The following KCNH1 variants were observed in gnomAD, a reference collection of about 807,000 sequenced individuals.
KCNH1 encodes the protein potassium voltage-gated channel subfamily H member 1.
In KCNH1, 27 loss-of-function variants were observed where a neutral mutation model predicts 69.2. That is an observed-to-expected ratio of 0.39 (90% confidence interval 0.29 to 0.54). KCNH1 has a LOEUF of 0.54. KCNH1 is among the 20% of genes least tolerant of loss of function. The pLI is 0.68. For synonymous variants in KCNH1, 456 were observed against 487.7 expected (o/e 0.93, Z 0.86); for missense variants, 798 against 1,261.6 (o/e 0.63, Z 5.57).
chr1:210,877,226 A>T lies in KCNH1; in HGVS notation c.1462+42414T>A, dbSNP rs139415226. Among the ~76,000 whole-genome samples the T allele has an allele frequency of 1.1e-3, 168 of 152,258 alleles. 1 individual carries two copies. Among genetic ancestry groups the T allele is most frequent in the South Asian group, 2.9e-3 (14 of 4,818 alleles). On this transcript the variant is annotated intron_variant, in intron 7 of 10. Transcript: ENST00000271751. Reference sequence around the variant, plus strand: ...TGTAGTTGATGTGGTCATTCATATGAGCAAGAAGAGAGAGAGAGGAATAGA... The same window carrying T: ...TGTAGTTGATGTGGTCATTCATATGTGCAAGAAGAGAGAGAGAGGAATAGA...
intron 7 of KCNH1, chr1:210,860,298 C>A: frequency 7.4e-7 from 1 of 1,360,438 alleles, no homozygotes. Context: ...GTTGACATGT[C>A]AGGCTATGCG....
intron 7 of KCNH1, among the ~76,000 whole-genome samples, chr1:210,834,465 A>AT (rs1229900477): frequency 2.2e-5 from 3 of 135,748 alleles, no homozygotes; most frequent in African/African-American, 8.4e-5. Flanking sequence ...ATTCTCACTC[A>AT]TAGGTGGGAA....
At chr1:210,958,461 G>T (rs1415698051) in intron 6 of KCNH1, among the ~76,000 whole-genome samples, 1 of 152,286 alleles carries the variant, frequency 6.6e-6, no homozygotes, top group Middle Eastern at 3.4e-3. Context: ...GGCCTGCCTT[G>T]CCTGGTTGGG....
intron 7 of KCNH1, among the ~76,000 whole-genome samples, chr1:210,872,830 A>G (rs949262829): frequency 5.9e-5 from 9 of 152,218 alleles, no homozygotes; most frequent in African/African-American, 2.2e-4. Context: ...AGTGGGGATT[A>G]TCATTAAACA....
chr1:211,003,048 T>TGTTG (rs1364532518), intron 6 of KCNH1, among the ~76,000 whole-genome samples: 1 of 152,046 alleles, frequency 6.6e-6, no homozygotes, highest in African/African-American at 2.4e-5. Context: ...TTTGTTTGTT[T>TGTTG]GTTTGTTTGT....
At chr1:210,893,789 C>A (rs191009393) in intron 7 of KCNH1, among the ~76,000 whole-genome samples, 276 of 151,992 alleles carry the variant, frequency 1.8e-3, no homozygotes, top group African/African-American at 6.2e-3. Context: ...TTCTTAAATT[C>A]TTTTCTCTCT....
At chr1:210,983,814 C>T (rs935559879) in intron 6 of KCNH1, among the ~76,000 whole-genome samples, 4 of 152,138 alleles carry the variant, frequency 2.6e-5, no homozygotes, top group African/African-American at 9.7e-5. Flanking sequence ...TGAAGAAAGT[C>T]ATTGGTAGCT....
chr1:210,792,925 C>T (rs1212401066), intron 9 of KCNH1, among the ~76,000 whole-genome samples: 1 of 152,078 alleles, frequency 6.6e-6, no homozygotes, highest in Admixed American at 6.5e-5. Flanking sequence ...CACAGTAACA[C>T]AGAATACCAA....
chr1:210,820,243 G>A (rs927522134), intron 7 of KCNH1, among the ~76,000 whole-genome samples: 2 of 152,178 alleles, frequency 1.3e-5, no homozygotes, highest in African/African-American at 4.8e-5. Flanking sequence ...ACCTTAAGGA[G>A]CATGTAGTAG....
intron 5 of KCNH1, 34 bp downstream of exon 5, chr1:211,082,746 T>G: frequency 1.7e-5 from 26 of 1,554,642 alleles, no homozygotes; most frequent in Middle Eastern, 1.7e-4. Context: ...CCCCTAAAAG[T>G]GAGGCTCAAG....
At chr1:210,849,745 A>G (rs1352800420) in intron 7 of KCNH1, among the ~76,000 whole-genome samples, 2 of 152,070 alleles carry the variant, frequency 1.3e-5, no homozygotes, top group Non-Finnish European at 2.9e-5. Context: ...AGATGGGAGA[A>G]GAAGGAGCTC....
intron 6 of KCNH1, among the ~76,000 whole-genome samples, chr1:210,990,932 A>G (rs1358278644): frequency 6.6e-6 from 1 of 152,210 alleles, no homozygotes; most frequent in Non-Finnish European, 1.5e-5. Flanking sequence ...TGGACAATCC[A>G]TGTTTTGCTT....
intron 7 of KCNH1, among the ~76,000 whole-genome samples, chr1:210,866,822 G>A (rs1389601423): frequency 6.6e-6 from 1 of 152,022 alleles, no homozygotes; most frequent in African/African-American, 2.4e-5. Flanking sequence ...ATGTTCATAG[G>A]AACATTGTTC....
At chr1:211,067,143 A>G (rs546780733) in intron 5 of KCNH1, among the ~76,000 whole-genome samples, 6 of 152,320 alleles carry the variant, frequency 3.9e-5, no homozygotes, top group African/African-American at 1.2e-4. Context: ...TCACTCCCGC[A>G]TGGAAGCCAC....
At chr1:211,113,764 T>C (rs1480875261) in intron 1 of KCNH1, among the ~76,000 whole-genome samples, 1 of 152,028 alleles carries the variant, frequency 6.6e-6, no homozygotes, top group African/African-American at 2.4e-5. Flanking sequence ...TGAAGTTGAA[T>C]AAGCAGATGG....
chr1:211,071,960 C>A (rs559098081), intron 5 of KCNH1, among the ~76,000 whole-genome samples: 1 of 152,154 alleles, frequency 6.6e-6, no homozygotes, highest in African/African-American at 2.4e-5. Flanking sequence ...GAATTTTGGG[C>A]CCTGTGAAAT....
intron 7 of KCNH1, among the ~76,000 whole-genome samples, chr1:210,812,579 C>T (rs1318162786): frequency 6.6e-6 from 1 of 152,158 alleles, no homozygotes; most frequent in Non-Finnish European, 1.5e-5. Context: ...CCAGTCTTAT[C>T]ATTCTTAATT....
intron 7 of KCNH1, among the ~76,000 whole-genome samples, chr1:210,830,328 C>T (rs1013898873): frequency 2.0e-5 from 3 of 152,190 alleles, no homozygotes; most frequent in African/African-American, 7.2e-5. Context: ...TCAGTGAAGC[C>T]ATATCAAACC....
At chr1:211,109,617 G>A (rs140261782) in intron 1 of KCNH1, among the ~76,000 whole-genome samples, 227 of 152,106 alleles carry the variant, frequency 1.5e-3, no homozygotes, top group Non-Finnish European at 2.2e-3. Context: ...TTATCTATGC[G>A]GAAAGAGGGA....
Sources: allele counts gnomAD v4.1 joint callset (sites outside exome capture counted in the v4.1 genomes callset), GRCh38; gene constraint gnomAD v4.1.1; transcripts MANE v1.5; gene names NCBI Gene and HGNC (gene_info 2026-07-23, HGNC 2026-07-21).